DYNC2H1: variants seen among roughly 807,000 people sequenced by gnomAD.
The protein encoded by DYNC2H1 is dynein cytoplasmic 2 heavy chain 1, also known as cytoplasmic dynein 2 heavy chain 1.
In DYNC2H1, 410 loss-of-function variants were observed where a neutral mutation model predicts 570.0. The ratio of observed to expected loss-of-function variants is 0.72; its 90% confidence interval spans 0.66 to 0.78. The LOEUF (loss-of-function observed/expected upper bound fraction) is 0.78. DYNC2H1 is among the 30% of genes least tolerant of loss of function. The probability of loss-of-function intolerance (pLI) is 0.00; values close to 1 mark genes in which losing one functional copy is unlikely to be tolerated. For missense variants in DYNC2H1, 4,865 were observed against 5,046.4 expected, an observed-to-expected ratio of 0.96 and a Z score of 1.09; for synonymous variants, 1,688 against 1,677.6, an observed-to-expected ratio of 1.01 and a Z score of -0.15.
chr11:103,273,018 T>C (rs1164556962), intron 70 of DYNC2H1, among the ~76,000 whole-genome samples: 1 of 152,088 alleles, frequency 6.6e-6, no homozygotes, highest in African/African-American at 2.4e-5. Context: ...CAAAAATAGA[T>C]GAAGGATTTT....
chr11:103,141,182 G>A (rs908463432), intron 17 of DYNC2H1, among the ~76,000 whole-genome samples: 8 of 151,956 alleles, frequency 5.3e-5, no homozygotes, highest in South Asian at 2.1e-4. Context: ...TAATTTGATC[G>A]TCTGAAGCCT....
chr11:103,332,309 T>TG (rs1422668046), intron 82 of DYNC2H1, among the ~76,000 whole-genome samples: 19 of 74,556 alleles, frequency 2.5e-4, no homozygotes, highest in African/African-American at 7.6e-4. Flanking sequence ...AGAAAAAAAC[T>TG]GGGAAAAAAA....
chr11:103,220,124 T>C (rs1280585619), intron 56 of DYNC2H1, 96 bp downstream of exon 56: 1 of 669,418 alleles, frequency 1.5e-6, no homozygotes, highest in East Asian at 3.6e-5. Context: ...TGTTTTCTCA[T>C]AGTATTATAA....
chr11:103,267,156 A>G (rs1865542039), intron 70 of DYNC2H1, among the ~76,000 whole-genome samples: 2 of 151,750 alleles, frequency 1.3e-5, no homozygotes, highest in African/African-American at 4.8e-5. Flanking sequence ...TGCCGGTTCA[A>G]CTCACTTAGT....
intron 75 of DYNC2H1, among the ~76,000 whole-genome samples, chr11:103,288,979 C>G (rs1024131077): frequency 3.3e-5 from 5 of 151,800 alleles, no homozygotes; most frequent in Non-Finnish European, 7.4e-5. Flanking sequence ...GGGATAACAT[C>G]ACTATTGTAA....
At chr11:103,180,929 A>G (rs1861827796) in intron 39 of DYNC2H1, among the ~76,000 whole-genome samples, 1 of 151,592 alleles carries the variant, frequency 6.6e-6, no homozygotes, top group Non-Finnish European at 1.5e-5. Flanking sequence ...CATCAGTGTC[A>G]TTTATTAATT....
At chr11:103,359,453 T>A (rs1940522762) in intron 83 of DYNC2H1, among the ~76,000 whole-genome samples, 1 of 152,150 alleles carries the variant, frequency 6.6e-6, no homozygotes, top group Non-Finnish European at 1.5e-5. Flanking sequence ...GCACATCTGA[T>A]TTTATGGCTA....
At chr11:103,143,634 T>A (rs1860083841) in intron 18 of DYNC2H1, among the ~76,000 whole-genome samples, 1 of 152,126 alleles carries the variant, frequency 6.6e-6, no homozygotes, top group Non-Finnish European at 1.5e-5. Context: ...GAGGCTTCTA[T>A]CTTCATCTGG....
intron 85 of DYNC2H1, among the ~76,000 whole-genome samples, chr11:103,440,644 CAACTA>C (rs1944234211): frequency 6.6e-6 from 1 of 152,170 alleles, no homozygotes; most frequent in Middle Eastern, 3.4e-3. Flanking sequence ...GGAAAATAGA[CAACTA>C]AATAAGCAAT....
At chr11:103,478,050 C>G (rs1160769783) in intron 88 of DYNC2H1, among the ~76,000 whole-genome samples, 2 of 15,804 alleles carry the variant, frequency 1.3e-4, no homozygotes, top group African/African-American at 2.5e-4. Flanking sequence ...AACTCAGGAG[C>G]CAACTTAAAA....
intron 78 of DYNC2H1, 26 bp from the exon 79 acceptor site, chr11:103,311,852 A>G (rs1482947591): frequency 2.5e-6 from 4 of 1,584,244 alleles, no homozygotes; most frequent in Non-Finnish European, 3.4e-6. Flanking sequence ...TTTTAGCAAT[A>G]GGATGTCTGT....
Position 103,170,744 on chromosome 11 carries a change from A to T in DYNC2H1, c.5152-142A>T. 1 of 771,320 alleles carries T rather than the reference A, an allele frequency of 1.3e-6. No homozygotes were observed. Among genetic ancestry groups the T allele is most frequent in the African/African-American group, 1.8e-5 (1 of 55,680 alleles). The allele number at this position is 771,320 out of a possible 1,614,324, so 47.8% of individuals were successfully genotyped here. On this transcript the variant is annotated intron_variant, in intron 33 of 88. Transcript: ENST00000375735. The surrounding 1 kb of genome is among the most constrained non-coding windows in gnomAD (Gnocchi z 4.8). ...CAACCTGGGTTTTGAAAGAGTAGCT[A>T]CTTAATCCGTATTTTAAAATGAGCA...
intron 66 of DYNC2H1, 32 bp from the exon 67 acceptor site, chr11:103,255,383 C>T (rs1455119342): frequency 6.5e-7 from 1 of 1,534,794 alleles, no homozygotes; most frequent in East Asian, 2.5e-5. Context: ...AGCCTTATTG[C>T]TAGAATTACC....
intron 88 of DYNC2H1, among the ~76,000 whole-genome samples, chr11:103,477,832 CAAAA>C (rs55817710): frequency 0.013 from 924 of 72,594 alleles, 12 homozygotes; most frequent in African/African-American, 0.047. Context: ...CTCCCCATCT[CAAAA>C]AAAAAAAAAA....
At chr11:103,405,298 C>CA (rs1383103727) in intron 84 of DYNC2H1, 1 of 151,482 alleles carries the variant, frequency 6.6e-6, no homozygotes, top group African/African-American at 2.4e-5. Flanking sequence ...GCTGATCAGA[C>CA]AAAAAGGGAT....
At position 103,369,820 on chromosome 11, in the gene DYNC2H1, G is replaced by A. The variant is rs574307441; in HGVS notation, c.12156+11461G>A. Among the ~76,000 whole-genome samples, 4 of 152,286 alleles carry A rather than the reference G, an allele frequency of 2.6e-5. No homozygotes were observed. Among genetic ancestry groups the A allele is most frequent in the East Asian group, 3.9e-4 (2 of 5,184 alleles). On this transcript the variant is annotated intron_variant, in intron 83 of 88. Coordinates refer to ENST00000375735, the MANE Select transcript of DYNC2H1 (RefSeq NM_001377.3). The surrounding 1 kb of genome is among the most constrained non-coding windows in gnomAD (Gnocchi z 4.0). ...CTGCATAACCAGCAGCAATACCCAC[G>A]TGTACTACATTGAGGGCCTTGGGTG...
chr11:103,189,881 A>T lies in DYNC2H1; in HGVS notation c.7437+65A>T. ...TATCATTTCTAAAGGTCTACTTTTA[A>T]TTCTGACCTCTGTGTTGACACCCAG... On this transcript the variant is annotated intron_variant, in intron 45 of 88. Coordinates refer to ENST00000375735, the MANE Select transcript of DYNC2H1 (RefSeq NM_001377.3). The surrounding 1 kb of genome is among the most constrained non-coding windows in gnomAD (Gnocchi z 4.3). The T allele has an allele frequency of 6.8e-7, 1 of 1,472,308 alleles. No individual in the cohort carries two copies. Among genetic ancestry groups the T allele is most frequent in the South Asian group, 1.4e-5 (1 of 70,806 alleles). 91.2% of individuals were successfully genotyped at this position (1,472,308 alleles called of 1,614,324 possible).
chr11:103,274,141 T>G (rs1404508229), intron 70 of DYNC2H1, among the ~76,000 whole-genome samples: 1 of 151,676 alleles, frequency 6.6e-6, no homozygotes, highest in African/African-American at 2.4e-5. Flanking sequence ...TGTGTATATA[T>G]ATATATACAC....
rs748526147 is a variant in DYNC2H1 at position 103,135,777 on chromosome 11, A to G, written c.2403A>G (p.Arg801=). The change falls in exon 17 of 89, where the codon AGA becomes AGG. Residue 801 remains arginine, a synonymous_variant. Transcript: ENST00000375735. ...AAGAAATCCGGGCTAAATATTATAG[A>G]GAAATGAAGAGATTCATCGGCATTC... The part of the protein sequence containing the change: ...PFEEIRAKYY[R]EMKRFIGIPN... The G allele has an allele frequency of 6.2e-7, 1 of 1,612,654 alleles. No individual in the cohort carries two copies.
Sources: gnomAD v4.1 joint callset for allele counts (sites outside exome capture counted in the v4.1 genomes callset) on GRCh38, gnomAD v4.1.1 for gene constraint, Gnocchi (gnomAD v3.1) non-coding constraint, MANE v1.5 for transcripts, NCBI Gene and HGNC (gene_info 2026-07-23, HGNC 2026-07-21) for gene names.